Variants in AGO3 observed in about 807,000 individuals in gnomAD.
AGO3 encodes protein argonaute-3.
A neutral mutation model predicts 105.5 loss-of-function variants in AGO3; 16 were observed. That is an observed-to-expected ratio of 0.15 (90% CI 0.10 to 0.23). The LOEUF (loss-of-function observed/expected upper bound fraction) is 0.23. Ranked by LOEUF, AGO3 falls within the 10% of genes least tolerant of loss-of-function variation. The pLI, the probability that AGO3 is intolerant of heterozygous loss-of-function variation, is 1.00. For missense variants in AGO3, 534 were observed against 1,088.0 expected (o/e 0.49, Z 7.16); for synonymous variants, 340 against 367.3 (o/e 0.93, Z 0.85).
intron 11 of AGO3, among the ~76,000 whole-genome samples, chr1:36,022,933 CAAAAAAAAAA>C (rs1276165724): frequency 3.9e-5 from 1 of 25,390 alleles, no homozygotes; most frequent in African/African-American, 1.0e-4. Flanking sequence ...AAAAAAAAAA[CAAAAAAAAAA>C]ACAAAAAAAA....
intron 13 of AGO3, among the ~76,000 whole-genome samples, chr1:36,035,710 C>A (rs1352501714): frequency 6.6e-6 from 1 of 152,164 alleles, no homozygotes. Context: ...ACCAGCACCA[C>A]TATTTTAGAT....
In AGO3 at chr1:36,061,851, A is replaced by G. The variant is rs1389329186; in HGVS notation, c.*6106A>G. ...AATTTTAAAGATAAATTATTTTAGA[A>G]CTCCAAGAGTGTGACAGTTTCATAA... On this transcript the variant is annotated 3_prime_UTR_variant, in exon 19 of 19. Transcript: ENST00000373191. The G allele has an allele frequency of 6.6e-6, 1 of 152,136 alleles. No individual in the cohort carries two copies. Among genetic ancestry groups the G allele is most frequent in the Non-Finnish European group, 1.5e-5 (1 of 68,026 alleles). 9.4% of individuals were successfully genotyped at this position (152,136 alleles called of 1,614,324 possible).
intron 2 of AGO3, among the ~76,000 whole-genome samples, chr1:35,950,390 A>G (rs778986042): frequency 1.3e-5 from 2 of 152,218 alleles, no homozygotes; most frequent in Non-Finnish European, 2.9e-5. Flanking sequence ...AGAAAGATGT[A>G]TTATAGCCAA....
chr1:36,009,636 G>A, intron 9 of AGO3, 42 bp downstream of exon 9: 1 of 1,580,090 alleles, frequency 6.3e-7, no homozygotes, highest in East Asian at 2.2e-5. Context: ...AAACATATTA[G>A]GGTGAACTGT....
At position 35,958,157 on chromosome 1, in the gene AGO3, C is replaced by T. The variant is rs564045373; in HGVS notation, c.192-8798C>T. 3.0e-4 allele frequency among the ~76,000 whole-genome samples: 45 copies of T among 152,068 alleles called. 1 individual carries two copies. The highest frequency in any genetic ancestry group is 1.8e-3 in the Admixed American group (28 of 15,274). ...CAGCACTTTGGGAGGCCAAGGCGGG[C>T]GGATCACAAGGTCTGGAGTTCGAGA... On this transcript the variant is annotated intron_variant, in intron 2 of 18. Coordinates refer to ENST00000373191, the MANE Select transcript of AGO3 (RefSeq NM_024852.4).
At position 35,970,225 on chromosome 1, in the gene AGO3, A is replaced by G. The variant is rs1185533424; in HGVS notation, c.313-1799A>G. ...AGCCCTTTCAATGGATAGAGGTAGGAAATTTATAAATAAGTAGATAAATAA... is the reference window on the plus strand; with the variant it reads ...AGCCCTTTCAATGGATAGAGGTAGGGAATTTATAAATAAGTAGATAAATAA... On this transcript the variant is annotated intron_variant, in intron 3 of 18. Transcript: ENST00000373191. Among the ~76,000 whole-genome samples, 5 of 152,362 alleles carry G rather than the reference A, an allele frequency of 3.3e-5. No individual in the cohort carries two copies. In the East Asian group the frequency reaches 9.6e-4, roughly 29 times the overall value.
chr1:35,933,037 T>C (rs1646083523), intron 1 of AGO3, among the ~76,000 whole-genome samples: 1 of 152,228 alleles, frequency 6.6e-6, no homozygotes, highest in Non-Finnish European at 1.5e-5. Context: ...CTAAGCCAAG[T>C]ACAGCTCAGA....
In AGO3 at chr1:35,967,029, A is replaced by T; in HGVS notation, c.266A>T (p.Lys89Ile). 1 of 1,613,890 alleles carries T rather than the reference A, an allele frequency of 6.2e-7. No homozygotes were observed. The highest frequency in any genetic ancestry group is 1.3e-5 in the African/African-American group (1 of 75,032). Residue 89 changes from lysine (K) to isoleucine (I), a missense_variant, in exon 3 of 19, where the codon AAA becomes ATA. Physicochemically the swap from Lys to Ile is moderately radical, Grantham distance 102. This residue lies in a region of AGO3 where 161 missense variants were observed against 234.0 expected (regional missense o/e 0.69). Transcript: ENST00000373191. Reference sequence around the variant, plus strand: ...GACCGTAGACCAGTTTATGATGGAAAAAGAAGTCTTTACACCGCCAATCCA... The same window carrying T: ...GACCGTAGACCAGTTTATGATGGAATAAGAAGTCTTTACACCGCCAATCCA... ...FGDRRPVYDG[K>I]RSLYTANPLP...
intron 3 of AGO3, among the ~76,000 whole-genome samples, chr1:35,971,180 T>A (rs1646864074): frequency 7.0e-6 from 1 of 143,056 alleles, no homozygotes; most frequent in Non-Finnish European, 1.5e-5. Context: ...TTTATTTTTT[T>A]TTTGAGCCTC....
intron 1 of AGO3, among the ~76,000 whole-genome samples, chr1:35,944,832 G>A (rs1020317361): frequency 2.6e-5 from 4 of 151,448 alleles, no homozygotes; most frequent in South Asian, 2.1e-4. Context: ...TTTTTGTTAC[G>A]GGGTCTCACT....
intron 1 of AGO3, among the ~76,000 whole-genome samples, chr1:35,940,858 G>C (rs543663554): frequency 6.6e-6 from 1 of 152,188 alleles, no homozygotes; most frequent in Admixed American, 6.5e-5. Context: ...TTCCTTTGCT[G>C]TTTTCATTTC....
chr1:35,979,283 G>C (rs1238265739), intron 5 of AGO3, among the ~76,000 whole-genome samples: 2 of 152,022 alleles, frequency 1.3e-5, no homozygotes, highest in Non-Finnish European at 2.9e-5. Flanking sequence ...AGAATGGCGT[G>C]AACCCAGGAG....
At chr1:36,033,512 G>A (rs1641874515) in intron 12 of AGO3, among the ~76,000 whole-genome samples, 1 of 151,710 alleles carries the variant, frequency 6.6e-6, no homozygotes, top group Non-Finnish European at 1.5e-5. Flanking sequence ...TGGTGTGGTG[G>A]TGCATGCCTG....
chr1:36,039,210 G>T (rs1200606743), intron 14 of AGO3, among the ~76,000 whole-genome samples: 2 of 151,838 alleles, frequency 1.3e-5, no homozygotes, highest in African/African-American at 4.8e-5. Context: ...AAAAAGATGG[G>T]GTAGGCTGGG....
Position 36,008,668 on chromosome 1 carries a change from C to A in AGO3, c.794-22C>A. On this transcript the variant is annotated intron_variant, in intron 6 of 18. Transcript: ENST00000373191. This position sits in a 1 kb window ranked among gnomAD's most constrained non-coding sequence, Gnocchi z 5.1. ...TTTACATGTGACAGTTCTGTAACCT[C>A]CATTTTTCTTGTTGGGAACAGGTTT... 1 of 1,609,162 alleles carries A rather than the reference C, an allele frequency of 6.2e-7. No individual in the cohort carries two copies. Among genetic ancestry groups the A allele is most frequent in the South Asian group, 1.1e-5 (1 of 90,836 alleles).
chr1:36,028,310 A>T (rs1641600148), intron 12 of AGO3, among the ~76,000 whole-genome samples: 2 of 151,696 alleles, frequency 1.3e-5, no homozygotes, highest in Middle Eastern at 6.8e-3. Context: ...GTTTAGTTAC[A>T]TGTGTATACA....
chr1:35,948,019 G>A (rs923830152), intron 2 of AGO3, among the ~76,000 whole-genome samples: 3 of 151,948 alleles, frequency 2.0e-5, no homozygotes, highest in African/African-American at 7.3e-5. Context: ...TTGTGCCTGT[G>A]AACAGCCACT....
At chr1:35,991,513 T>G (rs186777913) in intron 5 of AGO3, among the ~76,000 whole-genome samples, 7 of 148,630 alleles carry the variant, frequency 4.7e-5, no homozygotes, top group African/African-American at 1.5e-4. Flanking sequence ...TTCATGAGAA[T>G]AGGGTACCTG....
chr1:36,008,865 A>G lies in AGO3; in HGVS notation c.882-32A>G, dbSNP rs770154877. ...GAGTTTTTCTGGCTCATAATGGGCAAGAATTGTTCATGTGTACTTTTTTTT... is the reference window on the plus strand; with the variant it reads ...GAGTTTTTCTGGCTCATAATGGGCAGGAATTGTTCATGTGTACTTTTTTTT... On this transcript the variant is annotated intron_variant, in intron 7 of 18. Coordinates refer to ENST00000373191, the MANE Select transcript of AGO3 (RefSeq NM_024852.4). This position sits in a 1 kb window ranked among gnomAD's most constrained non-coding sequence, Gnocchi z 5.1. 2 of 1,614,080 alleles carry G rather than the reference A, an allele frequency of 1.2e-6. No individual in the cohort carries two copies. Among genetic ancestry groups the G allele is most frequent in the South Asian group, 2.2e-5 (2 of 91,076 alleles).
Sources: gnomAD v4.1 joint callset for allele counts (sites outside exome capture counted in the v4.1 genomes callset) on GRCh38, gnomAD v4.1.1 for gene constraint, gnomAD v4.1.1 regional missense constraint, Gnocchi (gnomAD v3.1) non-coding constraint, MANE v1.5 for transcripts, NCBI Gene and HGNC (gene_info 2026-07-23, HGNC 2026-07-21) for gene names.